The following NHSL3 variants were observed in gnomAD, a reference collection of about 807,000 sequenced individuals.
NHSL3 encodes NHS-like protein 3.
chr1:32,769,527 T>C, the NHSL3 span: 2 of 683,128 alleles, frequency 2.9e-6, no homozygotes, highest in South Asian at 3.3e-5. Context: ...GAAAGAAGCC[T>C]CTAGCTTTGT....
At chr1:32,758,202 C>T in the NHSL3 span, among the ~76,000 whole-genome samples, 4 of 152,250 alleles carry the variant, frequency 2.6e-5, no homozygotes, top group East Asian at 1.9e-4. Context: ...GCTGAGCACT[C>T]GGTCCTGGGT....
the NHSL3 span, among the ~76,000 whole-genome samples, chr1:32,752,905 A>G: frequency 0.066 from 339 of 5,110 alleles, 1 homozygote; most frequent in Middle Eastern, 0.29. Context: ...AAACATGCAC[A>G]CACACACACA....
chr1:32,772,346 C>T, the NHSL3 span: 2 of 1,610,436 alleles, frequency 1.2e-6, no homozygotes, highest in Non-Finnish European at 1.7e-6. Context: ...AATGGGCTCC[C>T]TCACACCCAG....
the NHSL3 span, among the ~76,000 whole-genome samples, chr1:32,757,373 G>C: frequency 6.6e-6 from 1 of 151,832 alleles, no homozygotes; most frequent in Admixed American, 6.6e-5. Context: ...GGGTGGGGTG[G>C]TGAGAGTGGA....
At chr1:32,765,969 CG>C in the NHSL3 span, 1 of 814,634 alleles carries the variant, frequency 1.2e-6, no homozygotes, top group Non-Finnish European at 1.9e-6. Context: ...ATCTCCCATC[CG>C]GCTGTGCTTT....
the NHSL3 span, chr1:32,772,873 A>T: frequency 1.9e-6 from 3 of 1,613,988 alleles, no homozygotes; most frequent in Non-Finnish European, 2.5e-6. Context: ...AGACTCACAG[A>T]AAGAGCTGGC....
At chr1:32,768,811 C>T in the NHSL3 span, 6 of 1,603,840 alleles carry the variant, frequency 3.7e-6, no homozygotes, top group Non-Finnish European at 5.1e-6. Context: ...ACAGTGGGCT[C>T]CATTGGGTCC....
At chr1:32,742,128 G>T in the NHSL3 span, 2 of 1,246,448 alleles carry the variant, frequency 1.6e-6, no homozygotes, top group South Asian at 3.3e-5. Context: ...GCGCCGAACC[G>T]GCCGCCCCCC....
At chr1:32,741,956 T>C in the NHSL3 span, 3 of 1,029,666 alleles carry the variant, frequency 2.9e-6, no homozygotes, top group Non-Finnish European at 3.6e-6. The surrounding 1 kb of genome is among the most constrained non-coding windows in gnomAD (Gnocchi z 4.3). Flanking sequence ...CCGCCTGCCA[T>C]GGCGGCCCGC....
chr1:32,771,170 C>G, the NHSL3 span: 1 of 1,611,764 alleles, frequency 6.2e-7, no homozygotes, highest in Non-Finnish European at 8.5e-7. Flanking sequence ...CCTCCTCACC[C>G]CAAGGTGCCT....
chr1:32,750,571 G>A, the NHSL3 span, among the ~76,000 whole-genome samples: 3 of 152,058 alleles, frequency 2.0e-5, no homozygotes, highest in Non-Finnish European at 2.9e-5. Context: ...GCAGTGGTGC[G>A]ATCTCTGCTC....
chr1:32,767,663 C>CATTGCTTGTATATGCA, the NHSL3 span: 92 of 756,682 alleles, frequency 1.2e-4, no homozygotes, highest in Non-Finnish European at 1.9e-4. Flanking sequence ...GGGAAGGGGG[C>CATTGCTTGTATATGCA]ATTGCTTGTA....
the NHSL3 span, among the ~76,000 whole-genome samples, chr1:32,756,849 A>T: frequency 1.3e-5 from 2 of 151,800 alleles, no homozygotes; most frequent in Non-Finnish European, 2.9e-5. Context: ...GGCACCTGTA[A>T]TCCCAGCTAC....
chr1:32,769,997 T>G, the NHSL3 span: 5 of 1,604,378 alleles, frequency 3.1e-6, no homozygotes, highest in East Asian at 2.2e-5. Context: ...GGGGCCCGGG[T>G]GTCCCTGCAG....
chr1:32,768,968 C>G, the NHSL3 span: 5 of 659,858 alleles, frequency 7.6e-6, no homozygotes, highest in South Asian at 1.3e-4. Context: ...AAAATCTTGG[C>G]GGCCGGGTGC....
At chr1:32,745,787 G>A in the NHSL3 span, among the ~76,000 whole-genome samples, 1 of 152,148 alleles carries the variant, frequency 6.6e-6, no homozygotes, top group Admixed American at 6.5e-5. Context: ...GGTTTCTGCT[G>A]TTGTTATGCT....
chr1:32,768,331 C>T, the NHSL3 span, among the ~76,000 whole-genome samples: 3 of 152,148 alleles, frequency 2.0e-5, no homozygotes, highest in African/African-American at 7.2e-5. Context: ...AGGTGGCTTA[C>T]ACCTGTAACC....
chr1:32,762,281 T>G, the NHSL3 span, among the ~76,000 whole-genome samples: 1 of 152,024 alleles, frequency 6.6e-6, no homozygotes, highest in Non-Finnish European at 1.5e-5. Flanking sequence ...CCTCTGTGAA[T>G]TTTTAGTTCC....
At chr1:32,768,146 C>A in the NHSL3 span, 2 of 1,431,282 alleles carry the variant, frequency 1.4e-6, no homozygotes, top group Non-Finnish European at 2.0e-6. Flanking sequence ...TCAGTCCTGA[C>A]TCTTCTCTAC....
Sources: gnomAD v4.1 joint callset for allele counts (sites outside exome capture counted in the v4.1 genomes callset) on GRCh38, gnomAD v4.1.1 for gene constraint, Gnocchi (gnomAD v3.1) non-coding constraint, MANE v1.5 for transcripts, NCBI Gene and HGNC (gene_info 2026-07-23, HGNC 2026-07-21) for gene names.